Variants in IKZF5 observed in about 807,000 individuals in gnomAD.
The protein encoded by IKZF5 is zinc finger protein Pegasus.
Under a neutral mutation model 30.7 loss-of-function variants are expected in IKZF5, and 4 were observed. The ratio of observed to expected loss-of-function variants is 0.13; its 90% CI spans 0.06 to 0.30. The LOEUF (loss-of-function observed/expected upper bound fraction) is 0.30. Among genes scored for constraint, IKZF5 ranks in the 10% least tolerant of loss-of-function variants. The pLI is 1.00. For synonymous variants in IKZF5, 148 were observed against 179.6 expected, an observed-to-expected ratio of 0.82 and a Z score of 1.41; for missense variants, 348 against 525.5, an observed-to-expected ratio of 0.66 and a Z score of 3.30.
chr10:123,003,839 T>A (rs1849692045), intron 2 of IKZF5, among the ~76,000 whole-genome samples: 1 of 152,242 alleles, frequency 6.6e-6, no homozygotes, highest in Admixed American at 6.5e-5. Flanking sequence ...ATTTTTCAAA[T>A]CACTTTGCAA....
intron 2 of IKZF5, among the ~76,000 whole-genome samples, chr10:123,000,994 G>A (rs1423516161): frequency 1.3e-5 from 2 of 149,314 alleles, no homozygotes; most frequent in African/African-American, 2.5e-5. Flanking sequence ...TTGCCTTTTC[G>A]TTTTCTCTTC....
In IKZF5 at chr10:123,006,933, G is replaced by A. The variant is rs911898258; in HGVS notation, c.-47+93C>T. ...TCTTGAAGGCAAAAAAAGAAATTAT[G>A]AGGCTCTGAGAAATCAGAAATCAAA... On this transcript the variant is annotated intron_variant, in intron 2 of 4. Transcript: ENST00000368886. 6 of 152,156 alleles carry A rather than the reference G, an allele frequency of 3.9e-5. No homozygotes were observed. The East Asian group carries it at 1.2e-3, about 29-fold the overall frequency. 9.4% of individuals were successfully genotyped at this position (152,156 alleles called of 1,614,324 possible). A position where few individuals can be genotyped will look rare whatever the true frequency, so the allele number is the denominator to read the frequency against.
intron 2 of IKZF5, among the ~76,000 whole-genome samples, chr10:123,005,570 C>T (rs1375402954): frequency 6.6e-6 from 1 of 152,180 alleles, no homozygotes; most frequent in Non-Finnish European, 1.5e-5. Context: ...CTGCTGGTAT[C>T]GTCATGGACT....
rs773053854 is a variant in IKZF5 at position 123,007,008 on chromosome 10, G to GA, written c.-47+17dup. On this transcript the variant is annotated intron_variant, in intron 2 of 4. Transcript: ENST00000368886. Reference sequence around the variant, plus strand: ...ACCATGTTGAAAGAAATCCAGAAGAGAAATTATACAATCTAACCTTTTCAC... The same window carrying GA: ...ACCATGTTGAAAGAAATCCAGAAGAGAAAATTATACAATCTAACCTTTTCAC... The GA allele has an allele frequency of 2.0e-5, 3 of 152,194 alleles. No individual in the cohort carries two copies. Among genetic ancestry groups the GA allele is most frequent in the Non-Finnish European group, 4.4e-5 (3 of 68,020 alleles). 9.4% of individuals were successfully genotyped at this position (152,194 alleles called of 1,614,324 possible). A position where few individuals can be genotyped will look rare whatever the true frequency, so the allele number is the denominator to read the frequency against.
At position 122,991,551 on chromosome 10, in the gene IKZF5, C is replaced by G. The variant is rs1849162755; in HGVS notation, c.*2229G>C. On this transcript the variant is annotated 3_prime_UTR_variant, in exon 5 of 5. Coordinates refer to ENST00000368886, the MANE Select transcript of IKZF5 (RefSeq NM_001372123.1). Reference sequence around the variant, plus strand: ...AATACAGAGGGGAAGACACGAACATCTTTTCAAATACAGAATAACTCACAG... The same window carrying G: ...AATACAGAGGGGAAGACACGAACATGTTTTCAAATACAGAATAACTCACAG... 1 of 152,120 alleles carries G rather than the reference C, an allele frequency of 6.6e-6. No individual in the cohort carries two copies. Among genetic ancestry groups the G allele is most frequent in the Non-Finnish European group, 1.5e-5 (1 of 67,992 alleles). 9.4% of individuals were successfully genotyped at this position (152,120 alleles called of 1,614,324 possible). A position where few individuals can be genotyped will look rare whatever the true frequency, so the allele number is the denominator to read the frequency against.
chr10:122,995,176 C>T (rs1450888514), intron 4 of IKZF5, among the ~76,000 whole-genome samples: 1 of 151,952 alleles, frequency 6.6e-6, no homozygotes, highest in Non-Finnish European at 1.5e-5. Context: ...TTTTAAAGTC[C>T]TTATATGAAA....
rs540583482 is a variant in IKZF5 at position 122,992,555 on chromosome 10, G to A, written c.*1225C>T. 2.0e-5 allele frequency: 3 copies of A among 152,042 alleles called. No homozygotes were observed. Among genetic ancestry groups the A allele is most frequent in the Non-Finnish European group, 4.4e-5 (3 of 67,968 alleles). 9.4% of individuals were successfully genotyped at this position (152,042 alleles called of 1,614,324 possible). On this transcript the variant is annotated 3_prime_UTR_variant, in exon 5 of 5. Transcript: ENST00000368886. ...TTCAAAATGAATTACTCTATATTTA[G>A]TAAGTCTTATTTTTATAAACAAATT...
chr10:123,008,243 C>A (rs1323713543), intron 1 of IKZF5, among the ~76,000 whole-genome samples: 1 of 152,138 alleles, frequency 6.6e-6, no homozygotes, highest in Non-Finnish European at 1.5e-5. Flanking sequence ...AGCCTGGGAC[C>A]GGCGTCGGGG....
At chr10:123,002,864 T>C (rs1849641528) in intron 2 of IKZF5, among the ~76,000 whole-genome samples, 1 of 151,342 alleles carries the variant, frequency 6.6e-6, no homozygotes, top group Admixed American at 6.6e-5. Flanking sequence ...TTTTAGAAAA[T>C]TGTCTAGGAA....
intron 2 of IKZF5, among the ~76,000 whole-genome samples, chr10:123,006,264 T>A (rs1329687751): frequency 6.6e-6 from 1 of 152,200 alleles, no homozygotes; most frequent in Non-Finnish European, 1.5e-5. Context: ...TTAGGCTAAT[T>A]TCCGATCTTC....
In IKZF5 at chr10:122,993,637, A is replaced by T. The variant is rs1849244387; in HGVS notation, c.*143T>A. 1.9e-6 allele frequency: 1 copy of T among 525,878 alleles called. No homozygotes were observed. The highest frequency in any genetic ancestry group is 3.2e-6 in the Non-Finnish European group (1 of 308,886). The allele number at this position is 525,878 out of a possible 1,614,324, so 32.6% of individuals were successfully genotyped here. A position where few individuals can be genotyped will look rare whatever the true frequency, so the allele number is the denominator to read the frequency against. On this transcript the variant is annotated 3_prime_UTR_variant, in exon 5 of 5. Transcript: ENST00000368886. Reference sequence around the variant, plus strand: ...TTTTATGAAAAAAAGGGGAAATTTTATTCCACTGACAAATTTATATTCTAT... The same window carrying T: ...TTTTATGAAAAAAAGGGGAAATTTTTTTCCACTGACAAATTTATATTCTAT...
At chr10:123,006,071 G>A (rs1849768914) in intron 2 of IKZF5, among the ~76,000 whole-genome samples, 1 of 152,128 alleles carries the variant, frequency 6.6e-6, no homozygotes, top group Non-Finnish European at 1.5e-5. Flanking sequence ...ATAGAAACTG[G>A]CTAGGGTATA....
At chr10:123,000,641 T>G (rs567646023) in intron 2 of IKZF5, among the ~76,000 whole-genome samples, 9 of 152,306 alleles carry the variant, frequency 5.9e-5, no homozygotes, top group Non-Finnish European at 1.3e-4. Context: ...CAAATAGGTT[T>G]TCAAAGTGAT....
chr10:122,995,978 G>C lies in IKZF5; in HGVS notation c.316+16C>G. On this transcript the variant is annotated intron_variant, in intron 4 of 4. Transcript: ENST00000368886. Reference sequence around the variant, plus strand: ...TGCCCTCACAGAAATGCTTTTTCCAGCTGTCTTTCCATTACCTGTGTGGAT... The same window carrying C: ...TGCCCTCACAGAAATGCTTTTTCCACCTGTCTTTCCATTACCTGTGTGGAT... The C allele has an allele frequency of 6.2e-7, 1 of 1,609,500 alleles. No individual in the cohort carries two copies. Among genetic ancestry groups the C allele is most frequent in the Non-Finnish European group, 8.5e-7 (1 of 1,178,028 alleles).
chr10:122,995,931 C>A, intron 4 of IKZF5, 63 bp downstream of exon 4: 1 of 1,501,520 alleles, frequency 6.7e-7, no homozygotes, highest in South Asian at 1.2e-5. Flanking sequence ...ACAAACCAAC[C>A]TGCCCCCCTT....
chr10:123,006,542 T>C (rs188658085), intron 2 of IKZF5, among the ~76,000 whole-genome samples: 101 of 152,308 alleles, frequency 6.6e-4, no homozygotes, highest in African/African-American at 2.2e-3. Flanking sequence ...CTTCCTTCTA[T>C]CTTTTTTATA....
chr10:122,999,387 G>C (rs1328838582), intron 2 of IKZF5, among the ~76,000 whole-genome samples: 1 of 152,212 alleles, frequency 6.6e-6, no homozygotes, highest in Non-Finnish European at 1.5e-5. Context: ...ACATGAATGA[G>C]TAGTCTGCAA....
At chr10:123,000,954 T>C (rs1346763232) in intron 2 of IKZF5, among the ~76,000 whole-genome samples, 1 of 112,814 alleles carries the variant, frequency 8.9e-6, no homozygotes. Flanking sequence ...TTTATTAGGA[T>C]ATGTGCATCT....
At chr10:123,003,391 T>G (rs965906204) in intron 2 of IKZF5, among the ~76,000 whole-genome samples, 1 of 152,138 alleles carries the variant, frequency 6.6e-6, no homozygotes, top group Non-Finnish European at 1.5e-5. Flanking sequence ...CCATTTTATA[T>G]AAAGGACTGG....
Sources: gnomAD v4.1 joint callset for allele counts (sites outside exome capture counted in the v4.1 genomes callset) on GRCh38, gnomAD v4.1.1 for gene constraint, MANE v1.5 for transcripts, NCBI Gene and HGNC (gene_info 2026-07-23, HGNC 2026-07-21) for gene names.